The following DNM1 variants were observed in gnomAD, a reference collection of about 807,000 sequenced individuals.
DNM1 encodes the protein dynamin 1.
A neutral mutation model predicts 104.6 loss-of-function variants in DNM1; 29 were observed. That is an observed-to-expected ratio of 0.28 (90% confidence interval 0.21 to 0.38). The LOEUF (loss-of-function observed/expected upper bound fraction) is 0.38, where lower values mean the gene tolerates loss of function less well. Ranked by LOEUF, DNM1 falls within the 10% of genes least tolerant of loss-of-function variation. The pLI is 1.00. For synonymous variants in DNM1, 445 were observed against 475.8 expected, an observed-to-expected ratio of 0.94 and a Z score of 0.84; for missense variants, 640 against 1,189.4, an observed-to-expected ratio of 0.54 and a Z score of 6.79.
In DNM1 at chr9:128,248,580, C is replaced by T. The variant is rs1829312517; in HGVS notation, c.1906-3C>T. On this transcript the variant is annotated splice_polypyrimidine_tract_variant and splice_region_variant and intron_variant, in intron 18 of 21. Transcript: ENST00000372923. The surrounding 1 kb of genome is among the most constrained non-coding windows in gnomAD (Gnocchi z 5.6). ...CCTGATGCCCTTGTGTTCTCCATGGCAGGCCAGCGAGACCGAGGAGAATGG... is the reference window on the plus strand; with the variant it reads ...CCTGATGCCCTTGTGTTCTCCATGGTAGGCCAGCGAGACCGAGGAGAATGG... The T allele has an allele frequency of 6.2e-7, 1 of 1,612,798 alleles. No individual in the cohort carries two copies. Among genetic ancestry groups the T allele is most frequent in the Non-Finnish European group, 8.5e-7 (1 of 1,179,026 alleles).
At chr9:128,244,601 G>T (rs115235313) in intron 15 of DNM1, 4,231 of 311,312 alleles carry the variant, frequency 0.014, 170 homozygotes, top group African/African-American at 0.084. Flanking sequence ...CCCACACAGG[G>T]TGGCACCCCC....
chr9:128,208,085 G>T (rs1834079856), intron 1 of DNM1, among the ~76,000 whole-genome samples: 1 of 147,302 alleles, frequency 6.8e-6, no homozygotes, highest in Non-Finnish European at 1.5e-5. Context: ...TTGAGATGGA[G>T]TCTCACTCTG....
chr9:128,240,290 GGAGGGATGCACGT>G lies in DNM1; in HGVS notation c.1557+298_1557+310del, dbSNP rs1836284626. 2.2e-6 allele frequency: 1 copy of G among 449,896 alleles called. No individual in the cohort carries two copies. Among genetic ancestry groups the G allele is most frequent in the African/African-American group, 2.0e-5 (1 of 49,546 alleles). 27.9% of individuals were successfully genotyped at this position (449,896 alleles called of 1,614,324 possible). On this transcript the variant is annotated intron_variant, in intron 14 of 21. Coordinates refer to ENST00000372923, the MANE Select transcript of DNM1 (RefSeq NM_004408.4). This position sits in a 1 kb window ranked among gnomAD's most constrained non-coding sequence, Gnocchi z 5.1. ...GGTGCTCCTTAAACATCTGCTGGAT[GGAGGGATGCACGT>G]GAGCAAGACACATTTTTAAGAAGCT...
intron 1 of DNM1, among the ~76,000 whole-genome samples, chr9:128,211,409 C>T (rs531095257): frequency 9.3e-5 from 14 of 151,244 alleles, no homozygotes; most frequent in Non-Finnish European, 1.8e-4. Context: ...AAAATAGGGC[C>T]GTGCCCTCTC....
In DNM1 at chr9:128,224,507, G is replaced by A. The variant is rs1835226028; in HGVS notation, c.1335+118G>A. ...GGTAGCATGTACAGACCTCAGCGGG[G>A]TGGGGAGGCAGGCCACCACTGAATA... On this transcript the variant is annotated intron_variant, in intron 10 of 21. Coordinates refer to ENST00000372923, the MANE Select transcript of DNM1 (RefSeq NM_004408.4). This position sits in a 1 kb window ranked among gnomAD's most constrained non-coding sequence, Gnocchi z 4.3. 3.0e-6 allele frequency: 3 copies of A among 1,006,224 alleles called. No homozygotes were observed. Among genetic ancestry groups the A allele is most frequent in the Non-Finnish European group, 4.2e-6 (3 of 713,288 alleles). The allele number at this position is 1,006,224 out of a possible 1,614,324, so 62.3% of individuals were successfully genotyped here. A position where few individuals can be genotyped will look rare whatever the true frequency, so the allele number is the denominator to read the frequency against.
rs568247101 is a variant in DNM1, at chr9:128,219,137, C to T, written c.474C>T (p.Asp158=). ...QPPDIEFQIR[D]MLMQFVTKEN... is the part of the protein sequence containing the mutation. ...CCGACATCGAGTTCCAGATCCGAGA[C>T]ATGCTTATGCAGTTTGTCACCAAGG... The change falls in exon 4 of 22, where the codon GAC becomes GAT. Residue 158 remains aspartate (D), a synonymous_variant. Transcript: ENST00000372923. 291 of 1,614,210 alleles carry T rather than the reference C, an allele frequency of 1.8e-4. 7 individuals carry two copies. In the South Asian group the frequency reaches 3.0e-3, roughly 17 times the overall value.
rs1012752236 is a variant in DNM1, at chr9:128,254,378, T to TGCCCAGGGC, written c.2535-273_2535-272insCAGGGCGCC. ...CTGAATTGCGGGTGCCCTGCCTGGG[T>TGCCCAGGGC]GCCGTGTGAGAGGCCAGCGTGTGTG... On this transcript the variant is annotated intron_variant, in intron 21 of 21. Coordinates refer to ENST00000372923, the MANE Select transcript of DNM1 (RefSeq NM_004408.4). The surrounding 1 kb of genome is among the most constrained non-coding windows in gnomAD (Gnocchi z 6.1). The TGCCCAGGGC allele has an allele frequency of 1.4e-6, 2 of 1,407,320 alleles. No homozygotes were observed. Among genetic ancestry groups the TGCCCAGGGC allele is most frequent in the African/African-American group, 2.9e-5 (2 of 68,278 alleles). The allele number at this position is 1,407,320 out of a possible 1,614,324, so 87.2% of individuals were successfully genotyped here. A position where few individuals can be genotyped will look rare whatever the true frequency, so the allele number is the denominator to read the frequency against.
chr9:128,240,401 C>A lies in DNM1; in HGVS notation c.1557+405C>A, dbSNP rs959759330. 6 of 226,360 alleles carry A rather than the reference C, an allele frequency of 2.7e-5. No individual in the cohort carries two copies. The highest frequency in any genetic ancestry group is 9.3e-5 in the African/African-American group (4 of 42,990). The allele number at this position is 226,360 out of a possible 1,614,324, so 14.0% of individuals were successfully genotyped here. A position where few individuals can be genotyped will look rare whatever the true frequency, so the allele number is the denominator to read the frequency against. On this transcript the variant is annotated intron_variant, in intron 14 of 21. Coordinates refer to ENST00000372923, the MANE Select transcript of DNM1 (RefSeq NM_004408.4). The surrounding 1 kb of genome is among the most constrained non-coding windows in gnomAD (Gnocchi z 5.1). ...AGAGAAGTCAAGAAGTCACTGCTCA[C>A]CTGGCCTCCTGCTCTCTGTCCTTAG...
rs1356577420 is a variant in DNM1 at position 128,247,247 on chromosome 9, C to T, written c.1782-128C>T. 3.4e-6 allele frequency: 2 copies of T among 596,292 alleles called. No homozygotes were observed. Among genetic ancestry groups the T allele is most frequent in the African/African-American group, 1.8e-5 (1 of 54,666 alleles). The allele number at this position is 596,292 out of a possible 1,614,324, so 36.9% of individuals were successfully genotyped here. A position where few individuals can be genotyped will look rare whatever the true frequency, so the allele number is the denominator to read the frequency against. On this transcript the variant is annotated intron_variant, in intron 16 of 21. Coordinates refer to ENST00000372923, the MANE Select transcript of DNM1 (RefSeq NM_004408.4). This position sits in a 1 kb window ranked among gnomAD's most constrained non-coding sequence, Gnocchi z 5.1. ...ACTGAGGCTGAGAGGAAGGGACTTG[C>T]ACAGGGTCACACAGCTGGGAAATGA...
intron 1 of DNM1, among the ~76,000 whole-genome samples, chr9:128,209,759 G>A (rs945833790): frequency 4.6e-5 from 7 of 152,142 alleles, no homozygotes; most frequent in Admixed American, 2.6e-4. Flanking sequence ...ACCCACCTTG[G>A]GCCTGGGCTG....
Position 128,222,172 on chromosome 9 carries a change from A to G in DNM1, c.850-25A>G. On this transcript the variant is annotated intron_variant, in intron 6 of 21. Transcript: ENST00000372923. This position sits in a 1 kb window ranked among gnomAD's most constrained non-coding sequence, Gnocchi z 7.8. ...CTGGCCCTGTGACCATCTGTCCTCAACCCTTTCCTCACCCTTACCCCCAGC... is the reference window on the plus strand; with the variant it reads ...CTGGCCCTGTGACCATCTGTCCTCAGCCCTTTCCTCACCCTTACCCCCAGC... 1 of 1,601,148 alleles carries G rather than the reference A, an allele frequency of 6.2e-7. No individual in the cohort carries two copies. Among genetic ancestry groups the G allele is most frequent in the Non-Finnish European group, 8.5e-7 (1 of 1,173,432 alleles).
At chr9:128,212,542 A>G (rs986273237) in intron 1 of DNM1, among the ~76,000 whole-genome samples, 4 of 152,208 alleles carry the variant, frequency 2.6e-5, no homozygotes, top group African/African-American at 7.2e-5. Context: ...GAGGATCCAG[A>G]TGTAGCTGCA....
chr9:128,252,039 G>T lies in DNM1; in HGVS notation c.2534+1099G>T, dbSNP rs573912531. ...GGTATTGGGCAAGAGGACTGGACTG[G>T]GAGTCCAGAGATGCTGCTTCACCCT... On this transcript the variant is annotated intron_variant, in intron 21 of 21. Transcript: ENST00000372923. 1.6e-5 allele frequency: 3 copies of T among 188,014 alleles called. No individual in the cohort carries two copies. In the South Asian group the frequency reaches 3.0e-4, roughly 19 times the overall value. The allele number at this position is 188,014 out of a possible 1,614,324, so 11.6% of individuals were successfully genotyped here.
intron 1 of DNM1, among the ~76,000 whole-genome samples, chr9:128,209,747 G>C (rs1471828209): frequency 6.6e-6 from 1 of 152,210 alleles, no homozygotes; most frequent in Admixed American, 6.5e-5. Context: ...GCTCCAGAAA[G>C]GACCCACCTT....
At position 128,224,780 on chromosome 9, in the gene DNM1, G is replaced by T. The variant is rs1564334735; in HGVS notation, c.1335+391G>T. ...CCTTAGCCTTGGAGACAGGTGAAAT[G>T]CAGGGCCTTCTCGGGCACTGCTCGG... is the stretch of plus-strand genomic sequence containing the variant. On this transcript the variant is annotated intron_variant, in intron 10 of 21. Coordinates refer to ENST00000372923, the MANE Select transcript of DNM1 (RefSeq NM_004408.4). The surrounding 1 kb of genome is among the most constrained non-coding windows in gnomAD (Gnocchi z 4.3). 6.6e-6 allele frequency among the ~76,000 whole-genome samples: 1 copy of T among 152,184 alleles called. No homozygotes were observed. Among genetic ancestry groups the T allele is most frequent in the African/African-American group, 2.4e-5 (1 of 41,438 alleles).
At chr9:128,233,207 TC>T (rs1189029143) in intron 10 of DNM1, among the ~76,000 whole-genome samples, 1 of 152,236 alleles carries the variant, frequency 6.6e-6, no homozygotes, top group East Asian at 1.9e-4. Context: ...GCTGCTGAGC[TC>T]CTACCCCAAA....
chr9:128,247,833 C>A lies in DNM1; in HGVS notation c.1894-91C>A. ...GTTGGGGTGCAGTATCCCAGGTTCA[C>A]TCAATCTCTCCCCTTTTCCTCTCTG... On this transcript the variant is annotated intron_variant, in intron 17 of 21. Transcript: ENST00000372923. This position sits in a 1 kb window ranked among gnomAD's most constrained non-coding sequence, Gnocchi z 5.1. 6.5e-7 allele frequency: 1 copy of A among 1,545,692 alleles called. No homozygotes were observed. Among genetic ancestry groups the A allele is most frequent in the Non-Finnish European group, 8.8e-7 (1 of 1,134,700 alleles).
chr9:128,247,556 T>C lies in DNM1; in HGVS notation c.1893+70T>C. On this transcript the variant is annotated intron_variant, in intron 17 of 21. Transcript: ENST00000372923. The surrounding 1 kb of genome is among the most constrained non-coding windows in gnomAD (Gnocchi z 5.1). ...GCCCCTGGGGCACCATCCTCAGTGA[T>C]GCCAAGTCATGCCATGTTTCCGAGC... 1 of 1,183,256 alleles carries C rather than the reference T, an allele frequency of 8.5e-7. No individual in the cohort carries two copies. The highest frequency in any genetic ancestry group is 2.0e-5 in the Admixed American group (1 of 49,810). 73.3% of individuals were successfully genotyped at this position (1,183,256 alleles called of 1,614,324 possible).
chr9:128,208,082 G>A (rs947204032), intron 1 of DNM1, among the ~76,000 whole-genome samples: 9 of 142,182 alleles, frequency 6.3e-5, no homozygotes, highest in Admixed American at 1.5e-4. Context: ...TTTTTGAGAT[G>A]GAGTCTCACT....
Sources: allele counts gnomAD v4.1 joint callset (sites outside exome capture counted in the v4.1 genomes callset), GRCh38; gene constraint gnomAD v4.1.1; non-coding constraint Gnocchi (gnomAD v3.1); transcripts MANE v1.5; gene names NCBI Gene and HGNC (gene_info 2026-07-23, HGNC 2026-07-21).